LRP6: variants seen among roughly 807,000 people sequenced by gnomAD.
The protein encoded by LRP6 is low-density lipoprotein receptor-related protein 6.
A neutral mutation model predicts 184.1 loss-of-function variants in LRP6; 43 were observed. The ratio of observed to expected loss-of-function variants is 0.23; its 90% CI spans 0.18 to 0.30. LRP6 has a LOEUF of 0.30. Ranked by LOEUF, LRP6 falls within the 10% of genes least tolerant of loss-of-function variation. The pLI, the probability that LRP6 is intolerant of heterozygous loss-of-function variation, is 1.00. For synonymous variants in LRP6, 719 were observed against 684.9 expected (o/e 1.05, Z -0.78); for missense variants, 1,571 against 2,005.3 (o/e 0.78, Z 4.14).
intron 2 of LRP6, among the ~76,000 whole-genome samples, chr12:12,223,614 C>T (rs1644585729): frequency 6.6e-6 from 1 of 152,150 alleles, no homozygotes; most frequent in Non-Finnish European, 1.5e-5. Context: ...TTTTTTAAAT[C>T]AAATGCTAAA....
At chr12:12,175,287 G>A (rs1290379880) in intron 7 of LRP6, among the ~76,000 whole-genome samples, 1 of 152,154 alleles carries the variant, frequency 6.6e-6, no homozygotes, top group African/African-American at 2.4e-5. Context: ...TACTCGGGAG[G>A]CTGGGGCAGG....
intron 2 of LRP6, among the ~76,000 whole-genome samples, chr12:12,211,396 C>T (rs146746323): frequency 2.6e-5 from 4 of 152,230 alleles, no homozygotes; most frequent in South Asian, 2.1e-4. Flanking sequence ...GAGCCGAGAT[C>T]GTGCCACTGC....
intron 22 of LRP6, among the ~76,000 whole-genome samples, chr12:12,121,995 C>A (rs893950666): frequency 6.6e-6 from 1 of 152,176 alleles, no homozygotes; most frequent in Non-Finnish European, 1.5e-5. Flanking sequence ...AGGGAAATTG[C>A]TGTGATTGGG....
chr12:12,176,791 T>C (rs1863194760), intron 7 of LRP6, among the ~76,000 whole-genome samples: 1 of 151,850 alleles, frequency 6.6e-6, no homozygotes, highest in Admixed American at 6.6e-5. Context: ...CAAATAATTA[T>C]CTTTTCTTTC....
rs937968846 is a variant in LRP6, at chr12:12,214,145, C to T, written c.450-10745G>A. ...AGTAACCAACCAAGAAGCCAAGCAG[C>T]ACCCCACTCTCAAAACACATTTTCA... On this transcript the variant is annotated intron_variant, in intron 2 of 22. Transcript: ENST00000261349. 2.0e-5 allele frequency among the ~76,000 whole-genome samples: 3 copies of T among 152,052 alleles called. No individual in the cohort carries two copies. The East Asian group carries it at 5.8e-4, about 29-fold the overall frequency.
At chr12:12,249,746 A>G (rs909606085) in intron 1 of LRP6, among the ~76,000 whole-genome samples, 1 of 152,068 alleles carries the variant, frequency 6.6e-6, no homozygotes, top group Admixed American at 6.6e-5. Flanking sequence ...TAAATTAATT[A>G]AAGTTCACCT....
At chr12:12,176,787 A>C (rs1237496510) in intron 7 of LRP6, among the ~76,000 whole-genome samples, 1 of 151,874 alleles carries the variant, frequency 6.6e-6, no homozygotes, top group Non-Finnish European at 1.5e-5. Context: ...TTACCAAATA[A>C]TTATCTTTTC....
At chr12:12,258,622 G>C (rs1865532135) in intron 1 of LRP6, among the ~76,000 whole-genome samples, 1 of 152,178 alleles carries the variant, frequency 6.6e-6, no homozygotes, top group Non-Finnish European at 1.5e-5. Flanking sequence ...TTTCATCAAA[G>C]AGCTATTTCT....
intron 2 of LRP6, among the ~76,000 whole-genome samples, chr12:12,240,007 AC>A (rs1010428714): frequency 2.0e-5 from 3 of 151,262 alleles, no homozygotes; most frequent in Non-Finnish European, 2.9e-5. Flanking sequence ...AAAAAAAAAA[AC>A]CCTACATTAA....
At chr12:12,210,382 A>G (rs1156507023) in intron 2 of LRP6, among the ~76,000 whole-genome samples, 1 of 152,216 alleles carries the variant, frequency 6.6e-6, no homozygotes, top group Non-Finnish European at 1.5e-5. Context: ...GAGCAAGATG[A>G]TGAGTTCAAA....
chr12:12,134,324 T>C (rs190487661), intron 17 of LRP6, among the ~76,000 whole-genome samples: 16 of 148,838 alleles, frequency 1.1e-4, no homozygotes, highest in Admixed American at 9.5e-4. Context: ...TTTCACACCA[T>C]TAGAAATTCA....
chr12:12,148,424 A>C (rs1472238249), intron 14 of LRP6, among the ~76,000 whole-genome samples: 1 of 152,154 alleles, frequency 6.6e-6, no homozygotes, highest in Non-Finnish European at 1.5e-5. Flanking sequence ...CTTATCATTG[A>C]CTCAGATACA....
chr12:12,210,876 T>C (rs1467928555), intron 2 of LRP6: 1 of 152,208 alleles, frequency 6.6e-6, no homozygotes, highest in Non-Finnish European at 1.5e-5. Context: ...CCTGACCCCA[T>C]GTTCCTCTCT....
At position 12,118,761 on chromosome 12, in the gene LRP6, G is replaced by C. The variant is rs80081247; in HGVS notation, c.*2365C>G. On this transcript the variant is annotated 3_prime_UTR_variant, in exon 23 of 23. Transcript: ENST00000261349. ...AGAAAGAGAACACTGAGATTAGGCT[G>C]AACTGCCTTCAAATAATTTTAAACA... 3 of 152,300 alleles carry C rather than the reference G, an allele frequency of 2.0e-5. No homozygotes were observed. Among genetic ancestry groups the C allele is most frequent in the East Asian group, 3.9e-4 (2 of 5,188 alleles). 9.4% of individuals were successfully genotyped at this position (152,300 alleles called of 1,614,324 possible).
At chr12:12,156,061 G>A (rs2065980890) in intron 12 of LRP6, among the ~76,000 whole-genome samples, 1 of 152,050 alleles carries the variant, frequency 6.6e-6, no homozygotes, top group Non-Finnish European at 1.5e-5. Context: ...AAAGAAGGAA[G>A]TGACATAAAT....
At chr12:12,174,122 T>C (rs1359775843) in intron 7 of LRP6, among the ~76,000 whole-genome samples, 1 of 152,152 alleles carries the variant, frequency 6.6e-6, no homozygotes, top group East Asian at 1.9e-4. Context: ...ATCTTTCTTT[T>C]TTTTTTTTAA....
intron 3 of LRP6, among the ~76,000 whole-genome samples, chr12:12,191,256 A>G (rs1363226671): frequency 6.6e-6 from 1 of 152,220 alleles, no homozygotes; most frequent in Non-Finnish European, 1.5e-5. Flanking sequence ...TCCCTTCCAG[A>G]CAAAGCGTCA....
chr12:12,264,669 TC>T (rs1046720489), intron 1 of LRP6, among the ~76,000 whole-genome samples: 2 of 152,184 alleles, frequency 1.3e-5, no homozygotes, highest in African/African-American at 4.8e-5. Context: ...TGACTAAATA[TC>T]TTTACTATAA....
At position 12,131,274 on chromosome 12, in the gene LRP6, AT is replaced by A. The variant is rs1195035496; in HGVS notation, c.3971-382del. ...AGGCGTCTGCCACCAGGCCCGGCTA[AT>A]TTTTTTGTATTTTTAGTAGAGATGG... On this transcript the variant is annotated intron_variant, in intron 18 of 22. Coordinates refer to ENST00000261349, the MANE Select transcript of LRP6 (RefSeq NM_002336.3). 2.0e-5 allele frequency among the ~76,000 whole-genome samples: 3 copies of A among 151,696 alleles called. No homozygotes were observed. In the East Asian group the frequency reaches 5.8e-4, roughly 29 times the overall value.
Sources: gnomAD v4.1 joint callset for allele counts (sites outside exome capture counted in the v4.1 genomes callset) on GRCh38, gnomAD v4.1.1 for gene constraint, MANE v1.5 for transcripts, NCBI Gene and HGNC (gene_info 2026-07-23, HGNC 2026-07-21) for gene names.